Variants in CEP290 observed in about 807,000 individuals in gnomAD.
CEP290 encodes the protein centrosomal protein of 290 kDa.
In CEP290, 317 loss-of-function variants were observed where a neutral mutation model predicts 344.9. The ratio of observed to expected loss-of-function variants is 0.92; its 90% confidence interval spans 0.84 to 1.01. CEP290 has a LOEUF of 1.01. Ranked by LOEUF, CEP290 falls within the 50% of genes least tolerant of loss-of-function variation. The pLI, the probability that CEP290 is intolerant of heterozygous loss-of-function variation, is 0.00. For missense variants in CEP290, 2,754 were observed against 2,761.4 expected (o/e 1.00, Z 0.06); for synonymous variants, 932 against 895.8 (o/e 1.04, Z -0.72).
chr12:88,136,505 T>C (rs2040359824), intron 6 of CEP290, 138 bp downstream of exon 6: 1 of 790,280 alleles, frequency 1.3e-6, no homozygotes, highest in Admixed American at 2.6e-5. Flanking sequence ...AAATGAACAG[T>C]GATATAAAAC....
intron 27 of CEP290, among the ~76,000 whole-genome samples, chr12:88,094,677 G>A (rs2137382472): frequency 6.6e-6 from 1 of 152,016 alleles, no homozygotes; most frequent in East Asian, 1.9e-4. Flanking sequence ...TTTTGAGGGG[G>A]GGGGAAGAAA....
In CEP290 at chr12:88,083,840, A is replaced by C; in HGVS notation, c.4812+7T>G. The C allele has an allele frequency of 1.3e-6, 2 of 1,522,578 alleles. No individual in the cohort carries two copies. Among genetic ancestry groups the C allele is most frequent in the Non-Finnish European group, 1.8e-6 (2 of 1,115,504 alleles). The allele number at this position is 1,522,578 out of a possible 1,614,324, so 94.3% of individuals were successfully genotyped here. ...TAAAGAATGGAACAAAGTTCTTAGA[A>C]TCTTACCCAAGCCGTTTGTTTGAAT... On this transcript the variant is annotated splice_region_variant and intron_variant, in intron 36 of 53. Transcript: ENST00000552810.
At chr12:88,051,194 CTTTTTT>C (rs11321423) in intron 52 of CEP290, among the ~76,000 whole-genome samples, 1 of 86,428 alleles carries the variant, frequency 1.2e-5, no homozygotes, top group African/African-American at 3.9e-5. Flanking sequence ...GGACAAGTAT[CTTTTTT>C]TTTTTTTTTT....
chr12:88,070,391 A>C (rs2035279292), intron 43 of CEP290, among the ~76,000 whole-genome samples: 1 of 152,172 alleles, frequency 6.6e-6, no homozygotes, highest in African/African-American at 2.4e-5. Context: ...TGACAGAGAG[A>C]GCTCCAGGTA....
Position 88,125,757 on chromosome 12 carries a change from T to C in CEP290, c.1066-388A>G, listed in dbSNP as rs542544117. ...CTTAGCTTTTTCCCCTTTCGTACTT[T>C]ATTAAAAAATGTTGTCCCCTGTAAT... is the stretch of plus-strand genomic sequence containing the variant. On this transcript the variant is annotated intron_variant, in intron 12 of 53. Transcript: ENST00000552810. Among the ~76,000 whole-genome samples the C allele has an allele frequency of 1.1e-4, 17 of 152,190 alleles. No homozygotes were observed. The South Asian group carries it at 3.3e-3, about 30-fold the overall frequency.
intron 41 of CEP290, among the ~76,000 whole-genome samples, chr12:88,072,420 T>G (rs2035449733): frequency 6.6e-6 from 1 of 152,194 alleles, no homozygotes; most frequent in African/African-American, 2.4e-5. Context: ...ATGTTCAACC[T>G]GTATAACTCC....
chr12:88,077,185 A>G (rs781244391), intron 41 of CEP290, 37 bp downstream of exon 41: 6 of 1,580,156 alleles, frequency 3.8e-6, no homozygotes, highest in Non-Finnish European at 5.1e-6. Flanking sequence ...CTCTGTCACT[A>G]CCTTAAGCAT....
intron 53 of CEP290, 153 bp downstream of exon 53, chr12:88,050,201 A>C: frequency 1.8e-6 from 1 of 546,630 alleles, no homozygotes; most frequent in Non-Finnish European, 3.2e-6. Flanking sequence ...TATGTTAGGA[A>C]TAGTCAGATG....
At chr12:88,078,361 T>C (rs2035941821) in intron 39 of CEP290, among the ~76,000 whole-genome samples, 1 of 152,120 alleles carries the variant, frequency 6.6e-6, no homozygotes, top group Admixed American at 6.6e-5. Flanking sequence ...CTTACAATAC[T>C]AGACAATATG....
In CEP290 at chr12:88,079,187, CTG is replaced by C; in HGVS notation, c.5267_5268del (p.Thr1756SerfsTer4). On this transcript the variant is annotated frameshift_variant, in exon 39 of 54. Coordinates refer to ENST00000552810, the MANE Select transcript of CEP290 (RefSeq NM_025114.4). LOFTEE classifies it high-confidence loss of function. ...RALLELRAEM[T>X]AAAEERIISA... is the part of the protein sequence containing the mutation. Reference sequence around the variant, plus strand: ...GAAATAATACGTTCTTCAGCAGCTGCTGTCATTTCTGCCCGGAGTTCTAAAAG... The same window carrying C: ...GAAATAATACGTTCTTCAGCAGCTGCTCATTTCTGCCCGGAGTTCTAAAAG... 1 of 1,600,362 alleles carries C rather than the reference CTG, an allele frequency of 6.2e-7. No homozygotes were observed. The highest frequency in any genetic ancestry group is 1.1e-5 in the South Asian group (1 of 87,492).
intron 37 of CEP290, among the ~76,000 whole-genome samples, chr12:88,081,322 T>G (rs1323226877): frequency 2.0e-5 from 3 of 152,234 alleles, no homozygotes; most frequent in Non-Finnish European, 2.9e-5. Flanking sequence ...AGAAATCACA[T>G]GTATTATTAA....
At chr12:88,051,328 A>G (rs1373064022) in intron 52 of CEP290, among the ~76,000 whole-genome samples, 1 of 150,604 alleles carries the variant, frequency 6.6e-6, no homozygotes, top group Admixed American at 6.7e-5. Context: ...CCTCCCTTGT[A>G]GCTGGGATAA....
chr12:88,131,230 A>G lies in CEP290; in HGVS notation c.442-12T>C. 7.1e-7 allele frequency: 1 copy of G among 1,402,154 alleles called. No homozygotes were observed. Among genetic ancestry groups the G allele is most frequent in the Non-Finnish European group, 9.4e-7 (1 of 1,063,810 alleles). The allele number at this position is 1,402,154 out of a possible 1,614,324, so 86.9% of individuals were successfully genotyped here. A position where few individuals can be genotyped will look rare whatever the true frequency, so the allele number is the denominator to read the frequency against. ...TTTCGAAGAGCCAACTAAAATAGTAAAAAAAAAAAATAAATAAGAAGAAGA... is the reference window on the plus strand; with the variant it reads ...TTTCGAAGAGCCAACTAAAATAGTAGAAAAAAAAAATAAATAAGAAGAAGA... On this transcript the variant is annotated splice_polypyrimidine_tract_variant and intron_variant, in intron 6 of 53. Transcript: ENST00000552810.
rs2036830890 is a variant in CEP290 at position 88,089,257 on chromosome 12, CT to C, written c.3803del (p.Gln1268ArgfsTer23). The C allele has an allele frequency of 1.9e-6, 3 of 1,613,962 alleles. No homozygotes were observed. Among genetic ancestry groups the C allele is most frequent in the Non-Finnish European group, 2.5e-6 (3 of 1,179,878 alleles). Reference sequence around the variant, plus strand: ...CTCCACTAAACTGTCGTCGTAGAGACTGAATTGTTTGGCGCAGATGTTTTGC... The same window carrying C: ...CTCCACTAAACTGTCGTCGTAGAGACGAATTGTTTGGCGCAGATGTTTTGC... Reference protein sequence around the residue: ...NRAKHLRQTIQSLRRQFSGAL... With the variant: ...NRAKHLRQTIXSLRRQFSGAL... On this transcript the variant is annotated frameshift_variant, in exon 31 of 54. Transcript: ENST00000552810. LOFTEE classifies it high-confidence loss of function.
chr12:88,107,598 A>AGT (rs2038376677), intron 23 of CEP290, among the ~76,000 whole-genome samples: 1 of 151,516 alleles, frequency 6.6e-6, no homozygotes, highest in African/African-American at 2.4e-5. Flanking sequence ...GTAAATTTTA[A>AGT]GTGTTCTTAG....
chr12:88,057,936 G>C (rs2034146660), intron 49 of CEP290: 1 of 152,266 alleles, frequency 6.6e-6, no homozygotes, highest in African/African-American at 2.4e-5. Flanking sequence ...GAGGTGCATG[G>C]ACATAAGGAA....
chr12:88,103,194 C>G, intron 25 of CEP290, 183 bp from the exon 26 acceptor site: 1 of 374,124 alleles, frequency 2.7e-6, no homozygotes, highest in South Asian at 9.4e-5. Context: ...AGAAATGTTA[C>G]TTTGAAAATC....
intron 52 of CEP290, chr12:88,051,793 T>A (rs926602148): frequency 6.6e-6 from 1 of 152,176 alleles, no homozygotes. Flanking sequence ...AGGAAAATTA[T>A]AAAATTTTCC....
intron 22 of CEP290, 71 bp downstream of exon 22, chr12:88,111,127 TAAAG>T (rs1265718223): frequency 1.2e-5 from 10 of 825,348 alleles, no homozygotes; most frequent in East Asian, 6.7e-5. Flanking sequence ...AATAAAAACA[TAAAG>T]AAACATACTA....
Sources: gnomAD v4.1 joint callset for allele counts (sites outside exome capture counted in the v4.1 genomes callset) on GRCh38, gnomAD v4.1.1 for gene constraint, MANE v1.5 for transcripts, NCBI Gene and HGNC (gene_info 2026-07-23, HGNC 2026-07-21) for gene names.